JPT1: variants seen among roughly 807,000 people sequenced by gnomAD.
The protein encoded by JPT1 is Jupiter microtubule associated homolog 1.
JPT1 carries 5 observed loss-of-function variants against 17.0 expected under a neutral mutation model. The ratio of observed to expected loss-of-function variants is 0.29; its 90% CI spans 0.15 to 0.62. The LOEUF (loss-of-function observed/expected upper bound fraction) is 0.62, where lower values mean the gene tolerates loss of function less well. Ranked by LOEUF, JPT1 falls within the 20% of genes least tolerant of loss-of-function variation. JPT1 has a pLI of 0.85. For synonymous variants in JPT1, 71 were observed against 73.6 expected, an observed-to-expected ratio of 0.96 and a Z score of 0.18; for missense variants, 158 against 188.1, an observed-to-expected ratio of 0.84 and a Z score of 0.94.
At chr17:75,148,741 A>G (rs2074488290) in intron 1 of JPT1, 70 bp from the exon 2 acceptor site, 1 of 1,561,754 alleles carries the variant, frequency 6.4e-7, no homozygotes, top group African/African-American at 1.4e-5. Flanking sequence ...CTTTTCAGAC[A>G]ACTTTCATTT....
intron 1 of JPT1, among the ~76,000 whole-genome samples, chr17:75,149,367 GTAAA>G (rs1288479550): frequency 1.3e-5 from 2 of 152,154 alleles, no homozygotes; most frequent in East Asian, 1.9e-4. Context: ...AATGTAAAAA[GTAAA>G]TAAATTTTTT....
chr17:75,137,793 A>G (rs1321776418), intron 4 of JPT1, among the ~76,000 whole-genome samples: 1 of 143,998 alleles, frequency 6.9e-6, no homozygotes, highest in Non-Finnish European at 1.5e-5. Flanking sequence ...AATTACAGGC[A>G]TGCACCACCA....
chr17:75,147,816 TGG>T, intron 2 of JPT1, 163 bp from the exon 3 acceptor site: 1 of 581,374 alleles, frequency 1.7e-6, no homozygotes, highest in South Asian at 2.0e-5. Context: ...CTGGCCAACA[TGG>T]TAAAACCCTG....
chr17:75,154,175 G>A (rs1385674032), intron 1 of JPT1, 167 bp downstream of exon 1: 2 of 340,166 alleles, frequency 5.9e-6, no homozygotes, highest in Admixed American at 5.1e-5. Context: ...CGCAGGGCTC[G>A]CCAGGCGGCA....
Position 75,136,181 on chromosome 17 carries a change from A to G in JPT1, c.386T>C (p.Val129Ala). The G allele has an allele frequency of 6.2e-7, 1 of 1,614,074 alleles. No individual in the cohort carries two copies. Among genetic ancestry groups the G allele is most frequent in the South Asian group, 1.1e-5 (1 of 91,078 alleles). The change falls in exon 5 of 5, where the codon GTG (valine) becomes GCG (alanine). Residue 129 changes from valine to alanine, a missense_variant. Physicochemically the swap from Val to Ala is moderately conservative, Grantham distance 64. Transcript: ENST00000409753. ...TGGGGCCGGGGCCACCGGGCTGGGC[A>G]CAGGCGCAGCAGGCACGGGCTTCTC... Reference protein sequence around the residue: ...SEEKPVPAAPVPSPVAPAPVP... With the variant: ...SEEKPVPAAPAPSPVAPAPVP...
rs763914709 is a variant in JPT1, at chr17:75,147,496, T to A, written c.297+60A>T. The A allele has an allele frequency of 8.4e-6, 10 of 1,197,342 alleles. No individual in the cohort carries two copies. The East Asian group carries it at 1.2e-4, about 14-fold the overall frequency. 74.2% of individuals were successfully genotyped at this position (1,197,342 alleles called of 1,614,324 possible). Reference sequence around the variant, plus strand: ...CCAGTGGGTGAACTGAAACTCTTAGTACAAATTTCAGAATCATATTGACCT... The same window carrying A: ...CCAGTGGGTGAACTGAAACTCTTAGAACAAATTTCAGAATCATATTGACCT... On this transcript the variant is annotated intron_variant, in intron 3 of 4. Transcript: ENST00000409753.
Position 75,154,262 on chromosome 17 carries a change from G to T in JPT1, c.56+80C>A. 3 of 1,176,784 alleles carry T rather than the reference G, an allele frequency of 2.5e-6. No individual in the cohort carries two copies. In the South Asian group the frequency reaches 5.1e-5, roughly 20 times the overall value. 72.9% of individuals were successfully genotyped at this position (1,176,784 alleles called of 1,614,324 possible). A position where few individuals can be genotyped will look rare whatever the true frequency, so the allele number is the denominator to read the frequency against. ...GCGCACGGGGCTCGTTACCCGCAAC[G>T]ACCGGCGCGAGGCCCCGCCGGCAGC... On this transcript the variant is annotated intron_variant, in intron 1 of 4. Coordinates refer to ENST00000409753, the MANE Select transcript of JPT1 (RefSeq NM_016185.4).
intron 1 of JPT1, chr17:75,152,898 A>G (rs2074576082): frequency 6.6e-6 from 1 of 152,118 alleles, no homozygotes; most frequent in Admixed American, 6.6e-5. Flanking sequence ...TATTTTTTTA[A>G]TCTTACCTAG....
At chr17:75,153,039 T>C (rs1299316411) in intron 1 of JPT1, 1 of 152,194 alleles carries the variant, frequency 6.6e-6, no homozygotes, top group Non-Finnish European at 1.5e-5. Context: ...CTGTGAGATA[T>C]GGCTATTTCA....
chr17:75,147,524 A>G, intron 3 of JPT1, 32 bp downstream of exon 3: 1 of 1,454,940 alleles, frequency 6.9e-7, no homozygotes, highest in East Asian at 2.3e-5. Flanking sequence ...ATTGACCTGA[A>G]AGCCTTTCTG....
intron 4 of JPT1, among the ~76,000 whole-genome samples, chr17:75,142,059 G>C (rs1458951527): frequency 1.3e-5 from 2 of 151,920 alleles, no homozygotes; most frequent in Non-Finnish European, 2.9e-5. Flanking sequence ...ACAGAGCAAG[G>C]CTCTGTCTCG....
intron 1 of JPT1, chr17:75,153,462 T>G (rs1327219292): frequency 1.3e-5 from 2 of 151,976 alleles, no homozygotes; most frequent in Admixed American, 1.3e-4. Flanking sequence ...AACCTCCTCC[T>G]GCAAGGGAAC....
At chr17:75,143,389 G>GTCTCTCA (rs1272936295) in intron 4 of JPT1, among the ~76,000 whole-genome samples, 2 of 152,058 alleles carry the variant, frequency 1.3e-5, no homozygotes, top group African/African-American at 4.8e-5. Flanking sequence ...GTGAAACCTC[G>GTCTCTCA]TCTCTACTAA....
chr17:75,152,003 G>A (rs1387795487), intron 1 of JPT1, among the ~76,000 whole-genome samples: 1 of 151,530 alleles, frequency 6.6e-6, no homozygotes, highest in Non-Finnish European at 1.5e-5. Flanking sequence ...AAAGACACTA[G>A]TACCCGAACA....
intron 1 of JPT1, among the ~76,000 whole-genome samples, chr17:75,150,847 C>CTTTTTT (rs59267123): frequency 3.0e-5 from 2 of 65,954 alleles, no homozygotes; most frequent in African/African-American, 4.3e-5. Context: ...ATTTTTCTTT[C>CTTTTTT]TTTTTTTTTT....
intron 3 of JPT1, 172 bp from the exon 4 acceptor site, chr17:75,146,856 T>C (rs2074448164): frequency 3.6e-6 from 2 of 561,644 alleles, no homozygotes; most frequent in African/African-American, 1.9e-5. Flanking sequence ...GACAATGCTA[T>C]GCAAAAATTC....
At chr17:75,151,883 C>A (rs1167284306) in intron 1 of JPT1, among the ~76,000 whole-genome samples, 2 of 151,556 alleles carry the variant, frequency 1.3e-5, no homozygotes, top group Non-Finnish European at 2.9e-5. Flanking sequence ...GCAGGAGAAT[C>A]GCTTGAACCT....
chr17:75,154,409 G>A lies in JPT1; in HGVS notation c.-12C>T, dbSNP rs1021521391. On this transcript the variant is annotated 5_prime_UTR_variant, in exon 1 of 5. Coordinates refer to ENST00000409753, the MANE Select transcript of JPT1 (RefSeq NM_016185.4). Reference sequence around the variant, plus strand: ...GTGGTTGTGGTCATGGCGCCGAGGAGCGAGGTAGGCTGGCGCCGGAGCAGA... The same window carrying A: ...GTGGTTGTGGTCATGGCGCCGAGGAACGAGGTAGGCTGGCGCCGGAGCAGA... 5.2e-6 allele frequency: 8 copies of A among 1,548,196 alleles called. No homozygotes were observed. The Admixed American group carries it at 9.8e-5, about 19-fold the overall frequency.
chr17:75,147,506 A>T, intron 3 of JPT1, 50 bp downstream of exon 3: 1 of 1,290,260 alleles, frequency 7.8e-7, no homozygotes, highest in Non-Finnish European at 1.1e-6. Flanking sequence ...TACAAATTTC[A>T]GAATCATATT....
Sources: allele counts gnomAD v4.1 joint callset (sites outside exome capture counted in the v4.1 genomes callset), GRCh38; gene constraint gnomAD v4.1.1; transcripts MANE v1.5; gene names NCBI Gene and HGNC (gene_info 2026-07-23, HGNC 2026-07-21).